Variants in MBNL2 observed in about 807,000 individuals in gnomAD.
MBNL2 encodes muscleblind like splicing regulator 2, also known as muscleblind-like protein 2.
Under a neutral mutation model 41.9 loss-of-function variants are expected in MBNL2, and 17 were observed. That is an observed-to-expected ratio of 0.41 (90% CI 0.28 to 0.61). MBNL2 has a LOEUF of 0.61. MBNL2 is among the 20% of genes least tolerant of loss of function. MBNL2 has a pLI of 0.35. For synonymous variants in MBNL2, 195 were observed against 182.9 expected (o/e 1.07, Z -0.53); for missense variants, 336 against 505.6 (o/e 0.66, Z 3.22).
At chr13:97,355,024 C>G (rs1316245096) in intron 5 of MBNL2, among the ~76,000 whole-genome samples, 2 of 152,120 alleles carry the variant, frequency 1.3e-5, no homozygotes, top group African/African-American at 4.8e-5. Context: ...CTTAACAATG[C>G]AAAGCTGTGC....
At chr13:97,248,356 T>C (rs58207591) in intron 1 of MBNL2, among the ~76,000 whole-genome samples, 4,018 of 152,302 alleles carry the variant, frequency 0.026, 64 homozygotes, top group South Asian at 0.11. Context: ...AGGCTGGTCT[T>C]GAACTCTCGA....
rs1056600278 is a variant in MBNL2 at position 97,268,096 on chromosome 13, CCTTCCTTT to C, written c.-604-7532_-604-7525del. On this transcript the variant is annotated intron_variant, in intron 1 of 8. Coordinates refer to ENST00000679496, the MANE Select transcript of MBNL2 (RefSeq NM_001382683.1). This position sits in a 1 kb window ranked among gnomAD's most constrained non-coding sequence, Gnocchi z 4.6. Reference sequence around the variant, plus strand: ...TCTTTCCTTCCTTCCTTCCTTCCTTCCTTCCTTTCTTTCTTTTGAGACAGCGTCGCTCT... The same window carrying C: ...TCTTTCCTTCCTTCCTTCCTTCCTTCCTTTCTTTTGAGACAGCGTCGCTCT... Among the ~76,000 whole-genome samples the C allele has an allele frequency of 3.2e-4, 48 of 151,472 alleles. No individual in the cohort carries two copies. The highest frequency in any genetic ancestry group is 1.1e-3 in the African/African-American group (47 of 41,176).
chr13:97,234,873 G>A (rs1026898041), intron 1 of MBNL2, among the ~76,000 whole-genome samples: 3 of 152,180 alleles, frequency 2.0e-5, no homozygotes, highest in African/African-American at 7.2e-5. Context: ...GTTTCTCTGC[G>A]GCTCTCAGCA....
intron 1 of MBNL2, among the ~76,000 whole-genome samples, chr13:97,243,672 A>G (rs1566362465): frequency 6.6e-6 from 1 of 152,252 alleles, no homozygotes; most frequent in Admixed American, 6.5e-5. Context: ...AAACTAATAG[A>G]CAATTGAGCA....
intron 8 of MBNL2, 140 bp downstream of exon 8, chr13:97,365,311 G>T: frequency 1.5e-6 from 1 of 669,344 alleles, no homozygotes; most frequent in East Asian, 2.6e-5. Context: ...TAACATATAG[G>T]TTTTTAAAAA....
At chr13:97,283,730 T>G (rs2053877015) in intron 2 of MBNL2, among the ~76,000 whole-genome samples, 1 of 152,160 alleles carries the variant, frequency 6.6e-6, no homozygotes, top group Non-Finnish European at 1.5e-5. Flanking sequence ...ATTAAAAAAA[T>G]CTTTGGGTTA....
At chr13:97,231,710 C>G (rs1243236417) in intron 1 of MBNL2, among the ~76,000 whole-genome samples, 1 of 152,228 alleles carries the variant, frequency 6.6e-6, no homozygotes, top group Non-Finnish European at 1.5e-5. Flanking sequence ...CGTCTATCTT[C>G]TCAGTGGACA....
the MBNL2 span, among the ~76,000 whole-genome samples, chr13:97,185,549 G>T: frequency 6.6e-6 from 1 of 152,200 alleles, no homozygotes; most frequent in South Asian, 2.1e-4. Flanking sequence ...ATAAGAGGGA[G>T]ATAAGAGGGT....
At position 97,346,066 on chromosome 13, in the gene MBNL2, GTAGATGA is replaced by G. The variant is rs763280536; in HGVS notation, c.541-729_541-723del. Among the ~76,000 whole-genome samples the G allele has an allele frequency of 5.9e-5, 9 of 152,164 alleles. No individual in the cohort carries two copies. The highest frequency in any genetic ancestry group is 8.8e-5 in the Non-Finnish European group (6 of 68,024). On this transcript the variant is annotated intron_variant, in intron 4 of 8. Coordinates refer to ENST00000679496, the MANE Select transcript of MBNL2 (RefSeq NM_001382683.1). The surrounding 1 kb of genome is among the most constrained non-coding windows in gnomAD (Gnocchi z 4.2). ...TAATTGATAGATTTTAGATAGATCA[GTAGATGA>G]TAGATGATGGATGGCTGGATGGATA...
chr13:97,286,363 A>G (rs976067861), intron 2 of MBNL2, among the ~76,000 whole-genome samples: 4 of 152,176 alleles, frequency 2.6e-5, no homozygotes, highest in Non-Finnish European at 5.9e-5. Context: ...CCAATCCATT[A>G]TAAGTCCTGT....
chr13:97,224,384 T>C (rs1244475589), intron 1 of MBNL2, among the ~76,000 whole-genome samples: 2 of 152,156 alleles, frequency 1.3e-5, no homozygotes, highest in African/African-American at 4.8e-5. Flanking sequence ...ATGTCACAGG[T>C]GGCAACCTTG....
At position 97,294,193 on chromosome 13, in the gene MBNL2, T is replaced by C. The variant is rs537856787; in HGVS notation, c.174+17784T>C. On this transcript the variant is annotated intron_variant, in intron 2 of 8. Transcript: ENST00000679496. ...TTATATTATTTCTAGCTTACGCTTC[T>C]GTATCTACCTTCCTTTATTTTCTTT... 7.9e-5 allele frequency among the ~76,000 whole-genome samples: 12 copies of C among 152,390 alleles called. No homozygotes were observed. The East Asian group carries it at 2.1e-3, about 27-fold the overall frequency.
chr13:97,261,777 C>G (rs1259834695), intron 1 of MBNL2, among the ~76,000 whole-genome samples: 1 of 152,206 alleles, frequency 6.6e-6, no homozygotes, highest in African/African-American at 2.4e-5. Flanking sequence ...TGAAGCTGCC[C>G]TGGTTTCATT....
the MBNL2 span, among the ~76,000 whole-genome samples, chr13:97,206,406 G>A: frequency 8.6e-5 from 13 of 152,022 alleles, no homozygotes; most frequent in Non-Finnish European, 1.5e-5. Context: ...AAGGGAGGGG[G>A]ATTATATTTT....
intron 8 of MBNL2, among the ~76,000 whole-genome samples, chr13:97,378,769 T>A (rs9805513): frequency 0.37 from 56,157 of 151,930 alleles, 10,535 homozygotes; most frequent in Admixed American, 0.44. Context: ...TGAAAAAAAA[T>A]TATTTAGGAT....
intron 1 of MBNL2, among the ~76,000 whole-genome samples, chr13:97,256,587 T>A (rs1243304760): frequency 6.6e-6 from 1 of 152,190 alleles, no homozygotes; most frequent in African/African-American, 2.4e-5. Flanking sequence ...AAAATTTCCA[T>A]GAGTAATGTT....
intron 2 of MBNL2, among the ~76,000 whole-genome samples, chr13:97,277,259 G>A (rs544618661): frequency 2.6e-4 from 39 of 152,304 alleles, no homozygotes; most frequent in African/African-American, 9.4e-4. Context: ...GGTGTATTCA[G>A]CCCTAACATT....
chr13:97,349,914 G>C (rs2062280195), intron 5 of MBNL2, among the ~76,000 whole-genome samples: 1 of 152,094 alleles, frequency 6.6e-6, no homozygotes, highest in African/African-American at 2.4e-5. Flanking sequence ...TTTTATACCA[G>C]CTCTAATTAG....
rs1040596516 is a variant in MBNL2 at position 97,261,966 on chromosome 13, C to A, written c.-604-13666C>A. On this transcript the variant is annotated intron_variant, in intron 1 of 8. Transcript: ENST00000679496. The stretch of plus-strand genomic sequence containing the variant: ...GGCCCATACCTCTACCTTGCCATCT[C>A]CCCAAGCTCTTGTCCTGTTTTTCTC... Among the ~76,000 whole-genome samples, 6 of 152,342 alleles carry A rather than the reference C, an allele frequency of 3.9e-5. No individual in the cohort carries two copies. In the East Asian group the frequency reaches 1.2e-3, roughly 29 times the overall value.
Sources: allele counts gnomAD v4.1 joint callset (sites outside exome capture counted in the v4.1 genomes callset), GRCh38; gene constraint gnomAD v4.1.1; non-coding constraint Gnocchi (gnomAD v3.1); transcripts MANE v1.5; gene names NCBI Gene and HGNC (gene_info 2026-07-23, HGNC 2026-07-21).